The following LHPP variants were observed in gnomAD, a reference collection of about 807,000 sequenced individuals.
LHPP encodes phospholysine phosphohistidine inorganic pyrophosphate phosphatase.
In LHPP, 24 loss-of-function variants were observed where a neutral mutation model predicts 30.3. The ratio of observed to expected loss-of-function variants is 0.79; its 90% CI spans 0.57 to 1.11. The LOEUF is 1.11. Ranked by LOEUF, LHPP falls within the 50% of genes most tolerant of loss-of-function variation. LHPP has a pLI of 0.00. For missense variants in LHPP, 356 were observed against 367.2 expected (o/e 0.97, Z 0.25); for synonymous variants, 150 against 157.1 (o/e 0.95, Z 0.34).
rs73365832 is a variant in LHPP at position 124,496,042 on chromosome 10, G to C, written c.468-919G>C. Among the ~76,000 whole-genome samples the C allele has an allele frequency of 0.065, 9,921 of 152,138 alleles. 1,025 individuals are homozygous for C. Among genetic ancestry groups the C allele is most frequent in the African/African-American group, 0.22 (9,240 of 41,442 alleles). On this transcript the variant is annotated intron_variant, in intron 3 of 6. Coordinates refer to ENST00000368842, the MANE Select transcript of LHPP (RefSeq NM_022126.4). This position sits in a 1 kb window ranked among gnomAD's most constrained non-coding sequence, Gnocchi z 4.3. The stretch of plus-strand genomic sequence containing the variant: ...GTGCTTTCTCCACGTCTCCCATATC[G>C]TAAGGGCATGGCAGGAGGAGAGGGA...
At chr10:124,518,224 G>T (rs534827644) in intron 6 of LHPP, among the ~76,000 whole-genome samples, 1 of 152,194 alleles carries the variant, frequency 6.6e-6, no homozygotes, top group Admixed American at 6.5e-5. Context: ...ACCCTCCCAG[G>T]CTTCCCCCGA....
chr10:124,587,733 C>T (rs575671448), intron 6 of LHPP, among the ~76,000 whole-genome samples: 6 of 92,874 alleles, frequency 6.5e-5, no homozygotes, highest in African/African-American at 2.8e-4. Flanking sequence ...CAGCCAGACT[C>T]CATCTAAAAA....
chr10:124,531,591 T>G (rs773273047), intron 6 of LHPP, among the ~76,000 whole-genome samples: 1 of 152,232 alleles, frequency 6.6e-6, no homozygotes. Context: ...TTGCCAGTTT[T>G]GAAGATTACG....
intron 3 of LHPP, among the ~76,000 whole-genome samples, chr10:124,491,625 A>G (rs989363490): frequency 6.6e-6 from 1 of 152,200 alleles, no homozygotes; most frequent in African/African-American, 2.4e-5. Context: ...CTTTTTGCCC[A>G]CACAAGCCTT....
Position 124,576,819 on chromosome 10 carries a change from C to T in LHPP, c.717-36445C>T, listed in dbSNP as rs1305877732. On this transcript the variant is annotated intron_variant, in intron 6 of 6. Transcript: ENST00000368842. This position sits in a 1 kb window ranked among gnomAD's most constrained non-coding sequence, Gnocchi z 4.2. ...CCCTGCCCTCGTGCACCTGTCCTTC[C>T]GTAGCCCACGATACCTCATCCAGCC... Among the ~76,000 whole-genome samples, 7 of 151,690 alleles carry T rather than the reference C, an allele frequency of 4.6e-5. No individual in the cohort carries two copies. Among genetic ancestry groups the T allele is most frequent in the Non-Finnish European group, 8.8e-5 (6 of 67,898 alleles).
chr10:124,533,700 C>T (rs1054909187), intron 6 of LHPP, among the ~76,000 whole-genome samples: 3 of 152,226 alleles, frequency 2.0e-5, no homozygotes, highest in Admixed American at 6.5e-5. Context: ...TTCTGCCACC[C>T]GCACTATATC....
rs1242385897 is a variant in LHPP at position 124,593,824 on chromosome 10, G to A, written c.717-19440G>A. ...ACCGAGGGTGTCCCTTACTCCATAA[G>A]GTACTGATATGGTCTGCGGAGCAGG... On this transcript the variant is annotated intron_variant, in intron 6 of 6. Coordinates refer to ENST00000368842, the MANE Select transcript of LHPP (RefSeq NM_022126.4). This position sits in a 1 kb window ranked among gnomAD's most constrained non-coding sequence, Gnocchi z 4.9. Among the ~76,000 whole-genome samples the A allele has an allele frequency of 6.6e-6, 1 of 152,240 alleles. No individual in the cohort carries two copies. Among genetic ancestry groups the A allele is most frequent in the African/African-American group, 2.4e-5 (1 of 41,456 alleles).
At chr10:124,539,918 C>A (rs1955139813) in intron 6 of LHPP, among the ~76,000 whole-genome samples, 1 of 152,046 alleles carries the variant, frequency 6.6e-6, no homozygotes, top group African/African-American at 2.4e-5. Flanking sequence ...ATAAAATAGA[C>A]ATAATAAGAG....
At chr10:124,529,849 A>C (rs1391499586) in intron 6 of LHPP, among the ~76,000 whole-genome samples, 1 of 151,328 alleles carries the variant, frequency 6.6e-6, no homozygotes, top group Non-Finnish European at 1.5e-5. Flanking sequence ...ACATGCACCC[A>C]CGCACTCTCT....
At chr10:124,520,113 G>T (rs1954573574) in intron 6 of LHPP, among the ~76,000 whole-genome samples, 1 of 152,092 alleles carries the variant, frequency 6.6e-6, no homozygotes, top group East Asian at 1.9e-4. Context: ...GATTACAGGT[G>T]TGAGCCACCG....
intron 6 of LHPP, among the ~76,000 whole-genome samples, chr10:124,586,739 ACCT>A (rs1203176764): frequency 1.3e-5 from 2 of 151,848 alleles, no homozygotes; most frequent in Non-Finnish European, 2.9e-5. Context: ...TCTCCTGTGG[ACCT>A]CCTCTTTGTA....
intron 6 of LHPP, among the ~76,000 whole-genome samples, chr10:124,566,309 T>C (rs568367209): frequency 1.3e-5 from 2 of 152,194 alleles, no homozygotes; most frequent in Non-Finnish European, 2.9e-5. Context: ...GGTTGTCCTT[T>C]CCCCCCTGGG....
intron 6 of LHPP, among the ~76,000 whole-genome samples, chr10:124,579,504 T>A (rs902032625): frequency 7.2e-5 from 11 of 152,234 alleles, no homozygotes; most frequent in African/African-American, 2.7e-4. Flanking sequence ...TCCAGTCCCC[T>A]GATGATGGAC....
chr10:124,503,530 C>T (rs1448238961), intron 5 of LHPP, among the ~76,000 whole-genome samples: 2 of 151,956 alleles, frequency 1.3e-5, no homozygotes, highest in Non-Finnish European at 2.9e-5. Flanking sequence ...CCCAAGTGGA[C>T]GCTCTTTGAA....
chr10:124,486,940 T>C (rs770858368), intron 2 of LHPP, among the ~76,000 whole-genome samples: 1 of 152,246 alleles, frequency 6.6e-6, no homozygotes, highest in Non-Finnish European at 1.5e-5. Flanking sequence ...TTTTTTGGAA[T>C]GTACAGGGTT....
chr10:124,608,265 T>C (rs7082892), intron 6 of LHPP, among the ~76,000 whole-genome samples: 140,645 of 152,156 alleles, frequency 0.92, 65,202 homozygotes, highest in East Asian at 1. Flanking sequence ...TGTCCGTCCG[T>C]CTGCCTGTCT....
intron 1 of LHPP, among the ~76,000 whole-genome samples, chr10:124,479,037 C>A (rs891250418): frequency 1.3e-5 from 2 of 150,400 alleles, no homozygotes; most frequent in Non-Finnish European, 3.0e-5. Flanking sequence ...CCATTGCACT[C>A]CAGCCTGGCT....
chr10:124,480,036 C>T (rs73365817), intron 1 of LHPP, among the ~76,000 whole-genome samples: 8,566 of 152,272 alleles, frequency 0.056, 805 homozygotes, highest in African/African-American at 0.19. Flanking sequence ...ATCATGGATC[C>T]TGAGTGACAC....
intron 5 of LHPP, among the ~76,000 whole-genome samples, chr10:124,500,749 A>G (rs1199655220): frequency 2.0e-5 from 3 of 151,910 alleles, no homozygotes; most frequent in Non-Finnish European, 4.4e-5. Flanking sequence ...ATAGAAAATA[A>G]CAAGTGTTGG....
Sources: allele counts gnomAD v4.1 joint callset (sites outside exome capture counted in the v4.1 genomes callset), GRCh38; gene constraint gnomAD v4.1.1; non-coding constraint Gnocchi (gnomAD v3.1); transcripts MANE v1.5; gene names NCBI Gene and HGNC (gene_info 2026-07-23, HGNC 2026-07-21).